PEPD: variants seen among roughly 807,000 people sequenced by gnomAD.
The protein encoded by PEPD is peptidase D, also known as xaa-Pro dipeptidase.
PEPD carries 53 observed loss-of-function variants against 60.7 expected under a neutral mutation model. The observed-to-expected ratio is 0.87, with a 90% CI of 0.70 to 1.10. The LOEUF is 1.10. Among genes scored for constraint, PEPD ranks in the 50% least tolerant of loss-of-function variants. The probability of loss-of-function intolerance (pLI) is 0.00; values close to 1 mark genes in which losing one functional copy is unlikely to be tolerated. For synonymous variants in PEPD, 267 were observed against 284.1 expected (o/e 0.94, Z 0.60); for missense variants, 711 against 711.9 (o/e 1.00, Z 0.01).
intron 11 of PEPD, among the ~76,000 whole-genome samples, chr19:33,405,277 T>A (rs1205029882): frequency 6.6e-6 from 1 of 152,110 alleles, no homozygotes; most frequent in African/African-American, 2.4e-5. Context: ...CCAAGATGGG[T>A]CGGCCAGTGA....
rs144503328 is a variant in PEPD, at chr19:33,519,180, C to T, written c.17+2564G>A. ...TCTCCATGAGGGGATGGGAGGTGAC[C>T]TCAGCGCACTCTGTCTCAACCTGAA... On this transcript the variant is annotated intron_variant, in intron 1 of 14. Transcript: ENST00000244137. 2.5e-3 allele frequency among the ~76,000 whole-genome samples: 388 copies of T among 152,270 alleles called. 1 individual carries two copies. The highest frequency in any genetic ancestry group is 0.02 in the Middle Eastern group (6 of 294).
chr19:33,493,530 C>G, intron 4 of PEPD, 193 bp from the exon 5 acceptor site: 1 of 671,098 alleles, frequency 1.5e-6, no homozygotes, highest in South Asian at 1.6e-5. Context: ...GAAAGCCACA[C>G]AGCCATCGAG....
At chr19:33,489,936 G>A in intron 6 of PEPD, 60 bp downstream of exon 6, 1 of 936,420 alleles carries the variant, frequency 1.1e-6, no homozygotes, top group South Asian at 1.4e-5. Flanking sequence ...GGAAAGACCT[G>A]CTAGTGAAGG....
In PEPD at chr19:33,387,444, C is replaced by T; in HGVS notation, c.1382G>A (p.Gly461Asp). The T allele has an allele frequency of 1.2e-6, 2 of 1,613,958 alleles. No individual in the cohort carries two copies. ...IEEDVVVTDS[G>D]IELLTCVPRT... is the part of the protein sequence containing the mutation. The stretch of plus-strand genomic sequence containing the variant: ...GGGCACGCAGGTCAGCAGCTCTATG[C>T]CGCTGTCAGTCACCACGACGTCCTC... Residue 461 changes from glycine (G) to aspartate (D), a missense_variant, in exon 15 of 15, where the codon GGC (glycine) becomes GAC (aspartate). By Grantham distance (94) the Gly-to-Asp change is moderately conservative. Coordinates refer to ENST00000244137, the MANE Select transcript of PEPD (RefSeq NM_000285.4).
chr19:33,512,882 C>G (rs1970956394), intron 1 of PEPD, 106 bp from the exon 2 acceptor site: 4 of 1,275,154 alleles, frequency 3.1e-6, no homozygotes, highest in Non-Finnish European at 4.5e-6. Context: ...GCCGTGGGAC[C>G]CCCATCAGCA....
chr19:33,448,891 G>C (rs34669264), intron 9 of PEPD, among the ~76,000 whole-genome samples: 19,289 of 152,306 alleles, frequency 0.13, 1,604 homozygotes, highest in Non-Finnish European at 0.19. Context: ...CCTATTGCCT[G>C]GGCCAAACGG....
In PEPD at chr19:33,411,671, C is replaced by A; in HGVS notation, c.818+1G>T. The A allele has an allele frequency of 6.3e-7, 1 of 1,585,910 alleles. No individual in the cohort carries two copies. Among genetic ancestry groups the A allele is most frequent in the Non-Finnish European group, 8.7e-7 (1 of 1,154,734 alleles). ...GAGCCAGGGCCGCTGGCCCTACTTA[C>A]CACATATCCCCATTCTGGATCGTTC... On this transcript the variant is annotated splice_donor_variant, in intron 11 of 14. Coordinates refer to ENST00000244137, the MANE Select transcript of PEPD (RefSeq NM_000285.4). LOFTEE classifies it high-confidence loss of function.
intron 9 of PEPD, among the ~76,000 whole-genome samples, chr19:33,430,680 C>A (rs1969251397): frequency 6.6e-6 from 1 of 152,122 alleles, no homozygotes; most frequent in South Asian, 2.1e-4. Flanking sequence ...ATTTTGAAAA[C>A]ACTTTTGGGA....
At chr19:33,431,247 C>T (rs535099351) in intron 9 of PEPD, among the ~76,000 whole-genome samples, 13 of 151,486 alleles carry the variant, frequency 8.6e-5, no homozygotes, top group South Asian at 6.3e-4. Flanking sequence ...AATTCCTTCC[C>T]GAAGGAAGGA....
intron 3 of PEPD, among the ~76,000 whole-genome samples, chr19:33,508,180 G>A (rs1417918691): frequency 6.6e-6 from 1 of 152,170 alleles, no homozygotes; most frequent in Non-Finnish European, 1.5e-5. Context: ...TGAGCAGTGG[G>A]ACATGTCAAC....
chr19:33,411,253 G>A lies in PEPD; in HGVS notation c.818+419C>T, dbSNP rs955255142. Among the ~76,000 whole-genome samples the A allele has an allele frequency of 4.6e-5, 7 of 152,180 alleles. No individual in the cohort carries two copies. In the South Asian group the frequency reaches 6.2e-4, roughly 13 times the overall value. The stretch of plus-strand genomic sequence containing the variant: ...GCAGGAGGATGGCAGGTTTCAGAGC[G>A]TGGGAGGCTCCCTGCGGTCTTCCCA... On this transcript the variant is annotated intron_variant, in intron 11 of 14. Transcript: ENST00000244137.
intron 9 of PEPD, 154 bp downstream of exon 9, chr19:33,462,841 G>A: frequency 1.4e-6 from 1 of 733,758 alleles, no homozygotes; most frequent in Admixed American, 1.9e-5. Context: ...GCAGTCAGAA[G>A]AAAAATAATC....
chr19:33,497,410 A>C (rs1260391846), intron 4 of PEPD, among the ~76,000 whole-genome samples: 2 of 152,280 alleles, frequency 1.3e-5, no homozygotes, highest in African/African-American at 4.8e-5. Context: ...CCTTCACGGC[A>C]GAGCCTCGGG....
intron 11 of PEPD, among the ~76,000 whole-genome samples, chr19:33,404,732 G>A (rs1968579322): frequency 6.6e-6 from 1 of 152,162 alleles, no homozygotes. Flanking sequence ...CACCCAGCCA[G>A]CCAGCTCCAT....
chr19:33,459,771 C>CT, intron 9 of PEPD, among the ~76,000 whole-genome samples: 2 of 152,216 alleles, frequency 1.3e-5, no homozygotes, highest in East Asian at 3.9e-4. Context: ...GCCACCATCG[C>CT]TTGAGTCCTG....
intron 11 of PEPD, among the ~76,000 whole-genome samples, chr19:33,407,278 G>C (rs1345421268): frequency 6.6e-6 from 1 of 152,242 alleles, no homozygotes; most frequent in Non-Finnish European, 1.5e-5. Context: ...CCTCAGGCCC[G>C]GAGTGCTGCA....
At chr19:33,500,674 A>C (rs1970690323) in intron 4 of PEPD, among the ~76,000 whole-genome samples, 1 of 152,164 alleles carries the variant, frequency 6.6e-6, no homozygotes, top group Non-Finnish European at 1.5e-5. Context: ...ATGTAATCTC[A>C]GCGGCCACAA....
intron 9 of PEPD, among the ~76,000 whole-genome samples, chr19:33,415,166 C>G (rs1273061584): frequency 6.6e-6 from 1 of 152,166 alleles, no homozygotes; most frequent in African/African-American, 2.4e-5. Context: ...AGGGGTGCTC[C>G]CTTGGCTTTG....
At chr19:33,502,003 C>A (rs952168138) in intron 3 of PEPD, among the ~76,000 whole-genome samples, 12 of 152,192 alleles carry the variant, frequency 7.9e-5, no homozygotes, top group African/African-American at 2.9e-4. Context: ...CCTCGTCCAC[C>A]TCCTGATGGG....
Sources: allele counts gnomAD v4.1 joint callset (sites outside exome capture counted in the v4.1 genomes callset), GRCh38; gene constraint gnomAD v4.1.1; transcripts MANE v1.5; gene names NCBI Gene and HGNC (gene_info 2026-07-23, HGNC 2026-07-21).